Variants in DCUN1D1 observed in about 807,000 individuals in gnomAD.
The protein encoded by DCUN1D1 is DCN1-like protein 1.
A neutral mutation model predicts 39.0 loss-of-function variants in DCUN1D1; 3 were observed. That is an observed-to-expected ratio of 0.08 (90% CI 0.04 to 0.20). DCUN1D1 has a LOEUF of 0.20. Ranked by LOEUF, DCUN1D1 falls within the 10% of genes least tolerant of loss-of-function variation. The probability of loss-of-function intolerance (pLI) is 1.00; values close to 1 mark genes in which losing one functional copy is unlikely to be tolerated. For missense variants in DCUN1D1, 158 were observed against 302.4 expected (o/e 0.52, Z 3.54); for synonymous variants, 82 against 96.3 (o/e 0.85, Z 0.87).
chr3:182,973,839 T>C (rs988597516), intron 1 of DCUN1D1, among the ~76,000 whole-genome samples: 1 of 152,044 alleles, frequency 6.6e-6, no homozygotes, highest in African/African-American at 2.4e-5. Flanking sequence ...AGTATATCTG[T>C]AAGATTCAAA....
At chr3:182,976,444 T>TACATACAC (rs1553845676) in intron 1 of DCUN1D1, among the ~76,000 whole-genome samples, 2 of 140,684 alleles carry the variant, frequency 1.4e-5, no homozygotes, top group African/African-American at 2.7e-5. Context: ...TATACATACA[T>TACATACAC]ACACACACAC....
chr3:182,966,276 A>C (rs897657421), intron 1 of DCUN1D1, among the ~76,000 whole-genome samples: 11 of 152,176 alleles, frequency 7.2e-5, no homozygotes. Flanking sequence ...TCCCTCCCCA[A>C]CACCACCTAC....
At position 182,961,244 on chromosome 3, in the gene DCUN1D1, G is replaced by C. The variant is rs747971698; in HGVS notation, c.502C>G (p.Pro168Ala). ...YQFTFNFAKN[P>A]GQKGLDLEMA... ...TTCTTACCTAATCCTTTTTGTCCTG[G>C]ATTCTTTGCAAAATTAAAAGTAAAC... is the stretch of plus-strand genomic sequence containing the variant. Residue 168 changes from proline to alanine, a missense_variant, in exon 4 of 7, where the codon CCA becomes GCA. Pro to Ala is a conservative substitution (Grantham distance 27). This residue lies in a region of DCUN1D1 where 107 missense variants were observed against 174.7 expected (regional missense o/e 0.61). Transcript: ENST00000292782. 2.6e-6 allele frequency: 4 copies of C among 1,551,144 alleles called. No individual in the cohort carries two copies. The highest frequency in any genetic ancestry group is 3.5e-6 in the Non-Finnish European group (4 of 1,136,180).
intron 1 of DCUN1D1, among the ~76,000 whole-genome samples, chr3:182,972,788 C>A (rs1297716312): frequency 6.6e-6 from 1 of 152,196 alleles, no homozygotes; most frequent in East Asian, 1.9e-4. Context: ...CACCTGTAAT[C>A]CCAGCACTCT....
intron 1 of DCUN1D1, among the ~76,000 whole-genome samples, chr3:182,973,328 T>G (rs552160782): frequency 9.2e-5 from 14 of 152,306 alleles, no homozygotes; most frequent in Middle Eastern, 3.4e-3. Flanking sequence ...TTAAAACTTA[T>G]GAACTGTTTA....
At chr3:182,957,655 C>A (rs1727148896) in intron 4 of DCUN1D1, among the ~76,000 whole-genome samples, 1 of 151,640 alleles carries the variant, frequency 6.6e-6, no homozygotes, top group African/African-American at 2.4e-5. Flanking sequence ...ATGTTTAAGT[C>A]AGATTACTAA....
chr3:182,971,688 C>T (rs1419547381), intron 1 of DCUN1D1, among the ~76,000 whole-genome samples: 1 of 152,024 alleles, frequency 6.6e-6, no homozygotes, highest in Non-Finnish European at 1.5e-5. Context: ...AGGCACTGTG[C>T]TAGGTACTTA....
At chr3:182,956,789 T>C (rs1727095499) in intron 4 of DCUN1D1, among the ~76,000 whole-genome samples, 1 of 152,204 alleles carries the variant, frequency 6.6e-6, no homozygotes, top group Admixed American at 6.5e-5. Context: ...AAAAATGATA[T>C]GGCTGCTAAA....
intron 4 of DCUN1D1, among the ~76,000 whole-genome samples, chr3:182,949,027 A>T (rs1413549614): frequency 6.6e-6 from 1 of 151,042 alleles, no homozygotes; most frequent in Non-Finnish European, 1.5e-5. Flanking sequence ...CAGTCTGGGC[A>T]AGAAAAGCAA....
intron 1 of DCUN1D1, among the ~76,000 whole-genome samples, chr3:182,977,973 C>A (rs898018687): frequency 4.7e-5 from 7 of 148,596 alleles, no homozygotes; most frequent in Non-Finnish European, 5.9e-5. Flanking sequence ...CCAGGAGGCA[C>A]GGGTTGCAGT....
intron 1 of DCUN1D1, 134 bp downstream of exon 1, chr3:182,980,352 TG>T: frequency 1.6e-6 from 1 of 617,062 alleles, no homozygotes; most frequent in Non-Finnish European, 2.0e-6. Context: ...AGCCCCCGCC[TG>T]GGAGCGGGAC....
intron 1 of DCUN1D1, among the ~76,000 whole-genome samples, chr3:182,970,806 G>A (rs964614229): frequency 2.0e-5 from 3 of 152,120 alleles, no homozygotes; most frequent in African/African-American, 7.2e-5. Context: ...CATAATACAC[G>A]GTATTCAGCA....
In DCUN1D1 at chr3:182,940,671, C is replaced by CT. The variant is rs1726096065; in HGVS notation, c.*4422dup. 6.6e-6 allele frequency: 1 copy of CT among 152,162 alleles called. No individual in the cohort carries two copies. The highest frequency in any genetic ancestry group is 1.5e-5 in the Non-Finnish European group (1 of 68,016). The allele number at this position is 152,162 out of a possible 1,614,324, so 9.4% of individuals were successfully genotyped here. ...AAGGAAGTGGGAAAGGGCCTGCCTGCTATGGCCCTACCTCATGAAGGACAG... is the reference window on the plus strand; with the variant it reads ...AAGGAAGTGGGAAAGGGCCTGCCTGCTTATGGCCCTACCTCATGAAGGACAG... On this transcript the variant is annotated 3_prime_UTR_variant, in exon 7 of 7. Transcript: ENST00000292782.
intron 1 of DCUN1D1, among the ~76,000 whole-genome samples, chr3:182,970,689 C>T (rs2108387972): frequency 6.6e-6 from 1 of 152,308 alleles, no homozygotes; most frequent in South Asian, 2.1e-4. Context: ...ACCTATAATT[C>T]TCACTAAAAG....
At chr3:182,979,605 C>CA (rs1560185304) in intron 1 of DCUN1D1, among the ~76,000 whole-genome samples, 4 of 146,660 alleles carry the variant, frequency 2.7e-5, no homozygotes, top group Non-Finnish European at 6.1e-5. Context: ...CTTTTTCCCC[C>CA]CCCCAAACAA....
At chr3:182,966,118 G>A (rs1727653822) in intron 1 of DCUN1D1, among the ~76,000 whole-genome samples, 1 of 151,956 alleles carries the variant, frequency 6.6e-6, no homozygotes. Context: ...CAGACACGGG[G>A]AAGAAGGTGA....
At chr3:182,969,167 A>G (rs1460173273) in intron 1 of DCUN1D1, among the ~76,000 whole-genome samples, 1 of 152,202 alleles carries the variant, frequency 6.6e-6, no homozygotes, top group Non-Finnish European at 1.5e-5. Flanking sequence ...CCTAGAATAC[A>G]TTGTAACATT....
chr3:182,967,128 CTATATATA>C (rs60339329), intron 1 of DCUN1D1, among the ~76,000 whole-genome samples: 7,277 of 143,508 alleles, frequency 0.051, 511 homozygotes, highest in African/African-American at 0.16. Context: ...AACAAAAAAA[CTATATATA>C]TATATATATA....
In DCUN1D1 at chr3:182,975,266, T is replaced by C. The variant is rs549205714; in HGVS notation, c.3+5221A>G. Among the ~76,000 whole-genome samples the C allele has an allele frequency of 6.7e-5, 10 of 150,006 alleles. No individual in the cohort carries two copies. In the South Asian group the frequency reaches 2.1e-3, roughly 32 times the overall value. Reference sequence around the variant, plus strand: ...ATCTCGGCTCACTGCAAGCTCCACCTCCTGGGTTCACGCCAGTCTCCCGCC... The same window carrying C: ...ATCTCGGCTCACTGCAAGCTCCACCCCCTGGGTTCACGCCAGTCTCCCGCC... On this transcript the variant is annotated intron_variant, in intron 1 of 6. Transcript: ENST00000292782.
Sources: allele counts gnomAD v4.1 joint callset (sites outside exome capture counted in the v4.1 genomes callset), GRCh38; gene constraint gnomAD v4.1.1; regional missense constraint gnomAD v4.1.1; transcripts MANE v1.5; gene names NCBI Gene and HGNC (gene_info 2026-07-23, HGNC 2026-07-21).